Variants in TRANK1 observed in about 807,000 individuals in gnomAD.
TRANK1 encodes tetratricopeptide repeat and ankyrin repeat containing 1, also known as TPR and ankyrin repeat-containing protein 1.
TRANK1 carries 198 observed loss-of-function variants against 266.0 expected under a neutral mutation model. That is an observed-to-expected ratio of 0.74 (90% confidence interval 0.66 to 0.84). The LOEUF is 0.84. TRANK1 is among the 40% of genes least tolerant of loss of function. TRANK1 has a pLI of 0.00. For synonymous variants in TRANK1, 1,396 were observed against 1,384.1 expected (o/e 1.01, Z -0.19); for missense variants, 3,326 against 3,634.6 (o/e 0.92, Z 2.18).
chr3:36,919,477 T>C (rs182384041), intron 1 of TRANK1, among the ~76,000 whole-genome samples: 93 of 152,374 alleles, frequency 6.1e-4, no homozygotes, highest in African/African-American at 1.9e-3. Context: ...CTTATTGCTG[T>C]GTAGTGTTTG....
chr3:36,879,607 T>TATAC (rs1559448048), intron 8 of TRANK1, among the ~76,000 whole-genome samples: 8 of 106,792 alleles, frequency 7.5e-5, no homozygotes, highest in African/African-American at 3.5e-4. Flanking sequence ...TAAATATATA[T>TATAC]AAATATACAA....
At chr3:36,849,993 G>T in intron 15 of TRANK1, 1 of 984,260 alleles carries the variant, frequency 1.0e-6, no homozygotes, top group Non-Finnish European at 1.2e-6. Flanking sequence ...CCTGAGCCTT[G>T]GCCACTTCCA....
intron 20 of TRANK1, among the ~76,000 whole-genome samples, chr3:36,835,311 TC>T (rs1245437181): frequency 1.0e-4 from 8 of 78,018 alleles, no homozygotes; most frequent in Non-Finnish European, 2.1e-5. Context: ...AGAGCGAGAC[TC>T]CGTCTCAAAA....
chr3:36,904,270 C>A (rs548365783), intron 2 of TRANK1, among the ~76,000 whole-genome samples: 46 of 152,080 alleles, frequency 3.0e-4, no homozygotes, highest in African/African-American at 8.0e-4. Context: ...GTGGCTCATG[C>A]CTGTAATCGC....
intron 21 of TRANK1, chr3:36,834,511 TC>T (rs1244498891): frequency 7.1e-6 from 3 of 420,234 alleles, no homozygotes; most frequent in Admixed American, 4.1e-5. Flanking sequence ...ATATACACAC[TC>T]ATAACATACT....
At chr3:36,848,794 C>A (rs931661828) in intron 15 of TRANK1, among the ~76,000 whole-genome samples, 2 of 152,088 alleles carry the variant, frequency 1.3e-5, no homozygotes, top group African/African-American at 4.8e-5. Context: ...AAATTGTTTA[C>A]CAAGGAAAGT....
rs143126865 is a variant in TRANK1, at chr3:36,917,064, C to G, written c.24-8610G>C. On this transcript the variant is annotated intron_variant, in intron 1 of 23. Coordinates refer to ENST00000645898, the MANE Select transcript of TRANK1 (RefSeq NM_001329998.2). ...CTCCTGACCTCAAATGACCTGTCCACCTCAGCCTCCCAAAGCACTGAGATT... is the reference window on the plus strand; with the variant it reads ...CTCCTGACCTCAAATGACCTGTCCAGCTCAGCCTCCCAAAGCACTGAGATT... 2.9e-3 allele frequency among the ~76,000 whole-genome samples: 440 copies of G among 152,228 alleles called. 6 individuals are homozygous for G. The highest frequency in any genetic ancestry group is 1.0e-2 in the African/African-American group (415 of 41,536).
At chr3:36,854,427 C>T (rs962184448) in intron 13 of TRANK1, among the ~76,000 whole-genome samples, 3 of 151,876 alleles carry the variant, frequency 2.0e-5, no homozygotes, top group Non-Finnish European at 2.9e-5. Flanking sequence ...TACCCAGTTA[C>T]AGAAAGATAT....
intron 1 of TRANK1, among the ~76,000 whole-genome samples, chr3:36,917,684 G>A (rs2080145375): frequency 6.6e-6 from 1 of 152,170 alleles, no homozygotes; most frequent in Admixed American, 6.5e-5. Context: ...TAAACTTGGG[G>A]CTACCTCTGT....
Position 36,838,370 on chromosome 3 carries a change from A to C in TRANK1, c.5517+2T>G. 1 of 1,613,848 alleles carries C rather than the reference A, an allele frequency of 6.2e-7. No individual in the cohort carries two copies. Among genetic ancestry groups the C allele is most frequent in the Non-Finnish European group, 8.5e-7 (1 of 1,179,830 alleles). On this transcript the variant is annotated splice_donor_variant, in intron 20 of 23. Coordinates refer to ENST00000645898, the MANE Select transcript of TRANK1 (RefSeq NM_001329998.2). LOFTEE classifies it high-confidence loss of function. ...GGAGCAGCAGCGGACTAGGAGCCAT[A>C]CCTTTCCCAGCCTCTCGCACAGCTG...
At chr3:36,908,523 T>G in intron 1 of TRANK1, 69 bp from the exon 2 acceptor site, 1 of 1,231,970 alleles carries the variant, frequency 8.1e-7, no homozygotes, top group Non-Finnish European at 1.0e-6. Context: ...CGGTCTGCAT[T>G]GCTGAAATCT....
rs1218419155 is a variant in TRANK1 at position 36,879,590 on chromosome 3, A to G, written c.908-5294T>C. On this transcript the variant is annotated intron_variant, in intron 8 of 23. Transcript: ENST00000645898. ...AATATATAAATATATATAAATATACAAATATATAAATATATATAAATATAC... is the reference window on the plus strand; with the variant it reads ...AATATATAAATATATATAAATATACGAATATATAAATATATATAAATATAC... 2.1e-5 allele frequency among the ~76,000 whole-genome samples: 2 copies of G among 97,326 alleles called. 1 individual carries two copies. Among genetic ancestry groups the G allele is most frequent in the Admixed American group, 2.3e-4 (2 of 8,698 alleles). The allele number at this position is 97,326 out of a possible 152,430, so 63.8% of individuals were successfully genotyped here. A position where few individuals can be genotyped will look rare whatever the true frequency, so the allele number is the denominator to read the frequency against.
At position 36,828,352 on chromosome 3, in the gene TRANK1, C is replaced by T; in HGVS notation, c.8833G>A (p.Glu2945Lys). 3.6e-6 allele frequency: 5 copies of T among 1,408,310 alleles called. No individual in the cohort carries two copies. Among genetic ancestry groups the T allele is most frequent in the Admixed American group, 1.9e-5 (1 of 52,458 alleles). 87.2% of individuals were successfully genotyped at this position (1,408,310 alleles called of 1,614,324 possible). A position where few individuals can be genotyped will look rare whatever the true frequency, so the allele number is the denominator to read the frequency against. Reference sequence around the variant, plus strand: ...TCACCAAAGTCTTCAACTTCATTTTCATAATCATCTTCCTGAACAATACCT... The same window carrying T: ...TCACCAAAGTCTTCAACTTCATTTTTATAATCATCTTCCTGAACAATACCT... ...KEGIVQEDDY[E>K]NEVEDFGELR... Residue 2945 changes from glutamate (E) to lysine (K), a missense_variant, in exon 24 of 24, where the codon GAA (glutamate) becomes AAA (lysine). Coordinates refer to ENST00000645898, the MANE Select transcript of TRANK1 (RefSeq NM_001329998.2).
intron 9 of TRANK1, among the ~76,000 whole-genome samples, chr3:36,865,950 G>GAC: frequency 6.6e-6 from 1 of 150,518 alleles, no homozygotes; most frequent in South Asian, 2.1e-4. Flanking sequence ...AAGAGAGAGA[G>GAC]AGAGAGACAG....
rs940801807 is a variant in TRANK1, at chr3:36,889,942, C to T, written c.794G>A (p.Arg265Gln). 2.3e-5 allele frequency: 36 copies of T among 1,536,914 alleles called. No individual in the cohort carries two copies. In the South Asian group the frequency reaches 2.6e-4, roughly 11 times the overall value. The change falls in exon 8 of 24, where the codon CGG becomes CAG. Residue 265 changes from arginine to glutamine, a missense_variant. By Grantham distance (43) the Arg-to-Gln change is conservative (BLOSUM62 1). Transcript: ENST00000645898. ...CIQARENHLF[R>Q]WLMDHKPEWK... ...CTCGGGCTTGTGATCCATTAACCAC[C>T]GGAAAAGATGGTTTTCTCCTGAAGG...
chr3:36,929,883 A>ATTCTTGTTG (rs2080337326), intron 1 of TRANK1, among the ~76,000 whole-genome samples: 1 of 148,940 alleles, frequency 6.7e-6, no homozygotes, highest in Non-Finnish European at 1.5e-5. Flanking sequence ...GATGCAGCAG[A>ATTCTTGTTG]TTGTTGTTGT....
intron 2 of TRANK1, among the ~76,000 whole-genome samples, chr3:36,907,123 T>C (rs1210780880): frequency 6.6e-6 from 1 of 152,160 alleles, no homozygotes; most frequent in Non-Finnish European, 1.5e-5. Flanking sequence ...ACTTTAAAAA[T>C]ACAACATGTA....
chr3:36,932,953 TGA>T (rs1210351360), intron 1 of TRANK1, among the ~76,000 whole-genome samples: 2 of 152,352 alleles, frequency 1.3e-5, no homozygotes, highest in East Asian at 3.9e-4. Flanking sequence ...TGGGATATGA[TGA>T]GGTTTCTCTT....
chr3:36,891,926 T>C (rs2079702098), intron 7 of TRANK1, among the ~76,000 whole-genome samples: 1 of 151,986 alleles, frequency 6.6e-6, no homozygotes, highest in Admixed American at 6.5e-5. Context: ...CTGTCCTAAG[T>C]CCCTTCCATG....
Sources: allele counts gnomAD v4.1 joint callset (sites outside exome capture counted in the v4.1 genomes callset), GRCh38; gene constraint gnomAD v4.1.1; transcripts MANE v1.5; gene names NCBI Gene and HGNC (gene_info 2026-07-23, HGNC 2026-07-21).